The following PHKA2 variants were observed in gnomAD, a reference collection of about 807,000 sequenced individuals.
PHKA2 encodes phosphorylase b kinase regulatory subunit alpha, liver isoform.
Under a neutral mutation model 102.0 loss-of-function variants are expected in PHKA2, and 31 were observed. The ratio of observed to expected loss-of-function variants is 0.30; its 90% CI spans 0.23 to 0.41. PHKA2 has a LOEUF of 0.41. Ranked by LOEUF, PHKA2 falls within the 10% of genes least tolerant of loss-of-function variation. The pLI, the probability that PHKA2 is intolerant of heterozygous loss-of-function variation, is 1.00. For missense variants in PHKA2, 858 were observed against 1,023.1 expected, an observed-to-expected ratio of 0.84 and a Z score of 2.20; for synonymous variants, 455 against 416.2, an observed-to-expected ratio of 1.09 and a Z score of -1.13.
At chrX:18,981,671 G>A (rs1040728032) in intron 1 of PHKA2, among the ~76,000 whole-genome samples, 4 of 111,025 alleles carry the variant, frequency 3.6e-5, no homozygotes, top group Non-Finnish European at 7.6e-5. Context: ...GGAATGCGGA[G>A]CTGTAGCAGG....
chrX:18,905,059 T>G lies in PHKA2; in HGVS notation c.2908+699A>C, dbSNP rs183264847. Among the ~76,000 whole-genome samples, 5 of 111,797 alleles carry G rather than the reference T, an allele frequency of 4.5e-5. No individual in the cohort carries two copies. The East Asian group carries it at 1.4e-3, about 32-fold the overall frequency. On this transcript the variant is annotated intron_variant, in intron 26 of 32. Coordinates refer to ENST00000379942, the MANE Select transcript of PHKA2 (RefSeq NM_000292.3). Reference sequence around the variant, plus strand: ...TCACAGAGGGGTCTCCTCCCTGCCCTGTGGAGGGTGATGTGAGGCCGGGTT... The same window carrying G: ...TCACAGAGGGGTCTCCTCCCTGCCCGGTGGAGGGTGATGTGAGGCCGGGTT...
intron 1 of PHKA2, among the ~76,000 whole-genome samples, chrX:18,958,833 T>A (rs1359949230): frequency 9.0e-6 from 1 of 111,102 alleles, no homozygotes; most frequent in East Asian, 2.8e-4. Context: ...CCTCAGTCAC[T>A]CGAGTAGCTG....
chrX:18,901,272 G>A lies in PHKA2; in HGVS notation c.3027+213C>T, dbSNP rs368628361. Among the ~76,000 whole-genome samples, 4 of 111,134 alleles carry A rather than the reference G, an allele frequency of 3.6e-5. No homozygotes were observed. The East Asian group carries it at 1.1e-3, about 32-fold the overall frequency. On this transcript the variant is annotated intron_variant, in intron 27 of 32. Transcript: ENST00000379942. ...TCTGGAACGTTCATGAGAACATCAC[G>A]TTAAGGTTAAGGATGAGTGGGTAAG...
At chrX:18,903,768 A>G (rs1198722936) in intron 26 of PHKA2, among the ~76,000 whole-genome samples, 2 of 111,920 alleles carry the variant, frequency 1.8e-5, no homozygotes, top group Non-Finnish European at 3.8e-5. Flanking sequence ...ACCGGTCCCT[A>G]GCCCCACCAC....
intron 1 of PHKA2, among the ~76,000 whole-genome samples, chrX:18,954,996 G>A (rs1260589169): frequency 2.7e-5 from 3 of 112,174 alleles, no homozygotes; most frequent in African/African-American, 6.5e-5. Flanking sequence ...TATTTAAAAG[G>A]GCAACTGAGT....
At chrX:18,904,700 G>A (rs1045342370) in intron 26 of PHKA2, among the ~76,000 whole-genome samples, 1 of 111,998 alleles carries the variant, frequency 8.9e-6, no homozygotes, top group African/African-American at 3.2e-5. Flanking sequence ...CTGACTGCAC[G>A]ATGCTGTCTT....
chrX:18,921,092 A>G (rs1421076751), intron 17 of PHKA2, among the ~76,000 whole-genome samples: 2 of 110,925 alleles, frequency 1.8e-5, no homozygotes, highest in Non-Finnish European at 3.8e-5. Context: ...ACCCCCCCCA[A>G]GTGGATCCAG....
intron 6 of PHKA2, among the ~76,000 whole-genome samples, chrX:18,944,751 T>C (rs1380463200): frequency 1.8e-5 from 2 of 111,849 alleles, no homozygotes; most frequent in Non-Finnish European, 3.8e-5. Context: ...TATTCTCCAG[T>C]CCTCTCTGTG....
At chrX:18,897,369 G>A (rs759440800) in intron 29 of PHKA2, 36 bp from the exon 30 acceptor site, 10 of 1,175,546 alleles carry the variant, frequency 8.5e-6, no homozygotes, top group Middle Eastern at 2.7e-4. Flanking sequence ...CAGAAGCCAC[G>A]CAGCAGGTGC....
At chrX:18,964,149 C>T (rs1340566961) in intron 1 of PHKA2, among the ~76,000 whole-genome samples, 3 of 111,664 alleles carry the variant, frequency 2.7e-5, no homozygotes, top group Admixed American at 9.5e-5. Context: ...CCTGACACTC[C>T]CTCCTCAGCC....
intron 1 of PHKA2, among the ~76,000 whole-genome samples, chrX:18,961,609 GA>G (rs778802498): frequency 5.2e-4 from 50 of 96,145 alleles, no homozygotes; most frequent in African/African-American, 1.8e-3. Flanking sequence ...AGTGAGCTGA[GA>G]CGGTGCCACA....
intron 17 of PHKA2, among the ~76,000 whole-genome samples, chrX:18,923,262 A>G (rs1221025339): frequency 3.6e-5 from 4 of 110,086 alleles, no homozygotes; most frequent in Non-Finnish European, 3.8e-5. Context: ...GCTGGTCTCA[A>G]ACTTCTGACC....
intron 1 of PHKA2, among the ~76,000 whole-genome samples, chrX:18,966,280 C>G (rs2148020428): frequency 9.1e-6 from 1 of 109,298 alleles, no homozygotes; most frequent in Admixed American, 9.7e-5. Context: ...TTAGTAGAGA[C>G]AGGGTTTCAC....
In PHKA2 at chrX:18,954,288, T is replaced by C. The variant is rs1263231440; in HGVS notation, c.203A>G (p.Asp68Gly). The C allele has an allele frequency of 5.8e-6, 7 of 1,211,869 alleles. No individual in the cohort carries two copies. The highest frequency in any genetic ancestry group is 4.6e-4 in the Middle Eastern group (2 of 4,355). Residue 68 changes from aspartate to glycine, a missense_variant, in exon 2 of 33, where the codon GAT (aspartate) becomes GGT (glycine). Physicochemically the swap from Asp to Gly is moderately conservative, Grantham distance 94 (BLOSUM62 -1). Around this residue, in one of 2 missense-constraint regions of PHKA2, gnomAD observed 187 missense variants for 277.9 expected, o/e 0.67. Transcript: ENST00000379942. ...GMAYRKNADR[D>G]EDKAKAYELE... The stretch of plus-strand genomic sequence containing the variant: ...CTCGTAGGCCTTGGCCTTGTCCTCA[T>C]CGCGGTCTGCATTCTTACGGTAGGC...
At chrX:18,933,611 C>G (rs959647133) in intron 11 of PHKA2, among the ~76,000 whole-genome samples, 3 of 112,357 alleles carry the variant, frequency 2.7e-5, no homozygotes, top group Non-Finnish European at 3.8e-5. Context: ...CCTGATGAGG[C>G]CTTTTATCTA....
rs1443957115 is a variant in PHKA2, at chrX:18,907,056, C to T, written c.2559G>A (p.Val853=). Reference sequence around the variant, plus strand: ...TCTCCCGGGGCTCGGGCGGCAGGCCCACGGTGAGCTGCTTCTGGTGCGAAA... The same window carrying T: ...TCTCCCGGGGCTCGGGCGGCAGGCCTACGGTGAGCTGCTTCTGGTGCGAAA... The part of the protein sequence containing the change: ...DLLSHQKQLT[V]GLPPEPREKI... The change falls in exon 23 of 33, where the codon GTG becomes GTA. Residue 853 remains valine (V), a synonymous_variant. Coordinates refer to ENST00000379942, the MANE Select transcript of PHKA2 (RefSeq NM_000292.3). 1 of 1,195,391 alleles carries T rather than the reference C, an allele frequency of 8.4e-7. No homozygotes were observed. Among genetic ancestry groups the T allele is most frequent in the Non-Finnish European group, 1.1e-6 (1 of 887,157 alleles).
At chrX:18,905,994 A>G (rs1207769491) in intron 25 of PHKA2, 135 bp from the exon 26 acceptor site, 7 of 512,939 alleles carry the variant, frequency 1.4e-5, no homozygotes, top group Non-Finnish European at 2.4e-5. Flanking sequence ...GAACCTCACT[A>G]TTGCTTTGGG....
intron 26 of PHKA2, among the ~76,000 whole-genome samples, chrX:18,904,272 T>C (rs1002576107): frequency 3.6e-5 from 4 of 111,938 alleles, no homozygotes; most frequent in African/African-American, 1.3e-4. Context: ...CTGGGGTGGG[T>C]GTTCGCTGGA....
intron 1 of PHKA2, among the ~76,000 whole-genome samples, chrX:18,978,253 G>T (rs1226963568): frequency 9.0e-6 from 1 of 111,379 alleles, no homozygotes; most frequent in Non-Finnish European, 1.9e-5. Context: ...TACTAATGAG[G>T]AAGACTCTTG....
Sources: allele counts gnomAD v4.1 joint callset (sites outside exome capture counted in the v4.1 genomes callset), GRCh38; gene constraint gnomAD v4.1.1; regional missense constraint gnomAD v4.1.1; transcripts MANE v1.5; gene names NCBI Gene and HGNC (gene_info 2026-07-23, HGNC 2026-07-21).